PHYKPL: variants seen among roughly 807,000 people sequenced by gnomAD.
The protein encoded by PHYKPL is 5-phosphonooxy-L-lysine phospho-lyase.
Under a neutral mutation model 51.3 loss-of-function variants are expected in PHYKPL, and 42 were observed. That is an observed-to-expected ratio of 0.82 (90% CI 0.64 to 1.06). PHYKPL has a LOEUF of 1.06. Ranked by LOEUF, PHYKPL falls within the 50% of genes least tolerant of loss-of-function variation. The probability of loss-of-function intolerance (pLI) is 0.00; values close to 1 mark genes in which losing one functional copy is unlikely to be tolerated. For synonymous variants in PHYKPL, 264 were observed against 236.0 expected (o/e 1.12, Z -1.09); for missense variants, 655 against 586.6 (o/e 1.12, Z -1.20).
At chr5:178,225,133 C>CAA (rs1762034804) in intron 4 of PHYKPL, 3 of 595,026 alleles carry the variant, frequency 5.0e-6, no homozygotes, top group Non-Finnish European at 6.0e-6. Flanking sequence ...GAGTCTCTTA[C>CAA]AAAGCGCACT....
intron 8 of PHYKPL, among the ~76,000 whole-genome samples, chr5:178,221,142 CACAG>C (rs1216649305): frequency 6.6e-6 from 1 of 152,206 alleles, no homozygotes; most frequent in Admixed American, 6.5e-5. Flanking sequence ...GAGGGCTATG[CACAG>C]ACAGATGTTG....
intron 12 of PHYKPL, chr5:178,210,987 AATTTTAT>A (rs1758156197): frequency 8.2e-6 from 2 of 245,378 alleles, no homozygotes; most frequent in Non-Finnish European, 1.6e-5. Flanking sequence ...TTCACCTTTT[AATTTTAT>A]ATTATTTGCG....
intron 8 of PHYKPL, among the ~76,000 whole-genome samples, chr5:178,217,945 C>T (rs1203695772): frequency 6.6e-6 from 1 of 150,732 alleles, no homozygotes; most frequent in African/African-American, 2.4e-5. Flanking sequence ...TGTCTGGGCG[C>T]GGTGGCTCAC....
At chr5:178,231,714 G>A (rs780110970) in intron 1 of PHYKPL, 191 bp from the exon 2 acceptor site, 77 of 1,544,636 alleles carry the variant, frequency 5.0e-5, no homozygotes, top group Non-Finnish European at 6.0e-5. Flanking sequence ...GAAGCAGATG[G>A]GGTAACAAGT....
intron 8 of PHYKPL, chr5:178,216,257 C>T (rs1456610405): frequency 6.6e-6 from 1 of 152,164 alleles, no homozygotes; most frequent in Non-Finnish European, 1.5e-5. Context: ...GAAGGCCATT[C>T]ATATGCATAG....
At chr5:178,223,171 T>C (rs993569387) in intron 6 of PHYKPL, 19 of 508,722 alleles carry the variant, frequency 3.7e-5, no homozygotes, top group East Asian at 1.1e-4. Flanking sequence ...CCAAACTACA[T>C]GCACTGATTT....
intron 3 of PHYKPL, among the ~76,000 whole-genome samples, chr5:178,227,196 C>T (rs55653973): frequency 0.022 from 3,406 of 152,094 alleles, 113 homozygotes; most frequent in African/African-American, 0.078. Context: ...CTCATCCAAT[C>T]TCACCAGTGT....
At chr5:178,232,403 G>A (rs1160703604) in intron 1 of PHYKPL, 89 bp downstream of exon 1, 4 of 1,338,122 alleles carry the variant, frequency 3.0e-6, no homozygotes, top group Non-Finnish European at 3.8e-6. Context: ...CCGGAGGCGC[G>A]TGCGTAGTGC....
At position 178,232,610 on chromosome 5, in the gene PHYKPL, G is replaced by T. The variant is rs1763763698; in HGVS notation, c.-60C>A. ...GCGGAGACGTCGCCGCGCGGGCTGG[G>T]CCTCCAAGGCCCCGCTCCGGGCCCC... On this transcript the variant is annotated 5_prime_UTR_variant, in exon 1 of 13. Coordinates refer to ENST00000308158, the MANE Select transcript of PHYKPL (RefSeq NM_153373.4). The T allele has an allele frequency of 2.4e-6, 3 of 1,246,678 alleles. No individual in the cohort carries two copies. The highest frequency in any genetic ancestry group is 3.0e-6 in the Non-Finnish European group (3 of 996,446). 77.2% of individuals were successfully genotyped at this position (1,246,678 alleles called of 1,614,324 possible).
At chr5:178,212,895 G>C (rs1758906090) in intron 11 of PHYKPL, 78 bp downstream of exon 11, 1 of 1,573,434 alleles carries the variant, frequency 6.4e-7, no homozygotes, top group Non-Finnish European at 8.6e-7. Flanking sequence ...TCCCCTCCCT[G>C]TTCCATGCTA....
Position 178,224,580 on chromosome 5 carries a change from G to A in PHYKPL, c.502-16C>T. The A allele has an allele frequency of 1.2e-6, 2 of 1,614,140 alleles. No homozygotes were observed. Among genetic ancestry groups the A allele is most frequent in the East Asian group, 2.2e-5 (1 of 44,888 alleles). ...GGAGAGGTGCCTGTGGGGAGTGACA[G>A]CGCCATGTTATCCGGGCTTGGGGAC... On this transcript the variant is annotated splice_polypyrimidine_tract_variant and intron_variant, in intron 5 of 12. Transcript: ENST00000308158.
intron 8 of PHYKPL, among the ~76,000 whole-genome samples, chr5:178,221,997 C>T (rs1391555498): frequency 1.3e-5 from 2 of 152,214 alleles, no homozygotes; most frequent in African/African-American, 4.8e-5. Flanking sequence ...GCTCTGAGAT[C>T]ATGTGTTACC....
chr5:178,212,246 A>G (rs1361675413), intron 11 of PHYKPL, among the ~76,000 whole-genome samples: 3 of 152,062 alleles, frequency 2.0e-5, no homozygotes, highest in Non-Finnish European at 4.4e-5. Flanking sequence ...TCATATCCCT[A>G]CCACTTCCAA....
chr5:178,211,996 G>T, intron 11 of PHYKPL, 26 bp from the exon 12 acceptor site: 1 of 1,613,698 alleles, frequency 6.2e-7, no homozygotes, highest in Non-Finnish European at 8.5e-7. Flanking sequence ...AAGCAATGCC[G>T]ACTCAGTCAC....
At chr5:178,221,777 T>C (rs1761218457) in intron 8 of PHYKPL, among the ~76,000 whole-genome samples, 1 of 152,178 alleles carries the variant, frequency 6.6e-6, no homozygotes, top group South Asian at 2.1e-4. Flanking sequence ...CAAAGAGTAC[T>C]CTCTCCAGGA....
At chr5:178,226,044 G>A (rs114260719) in intron 3 of PHYKPL, 1,789 of 151,838 alleles carry the variant, frequency 0.012, 36 homozygotes, top group African/African-American at 0.041. Flanking sequence ...GGAATTACAG[G>A]CATGAGCCAC....
intron 12 of PHYKPL, chr5:178,210,121 T>TG (rs763281977): frequency 7.8e-5 from 126 of 1,613,522 alleles, no homozygotes; most frequent in Non-Finnish European, 1.1e-4. Flanking sequence ...TGTGCCCTGC[T>TG]CCCCCCACAG....
intron 3 of PHYKPL, 26 bp downstream of exon 3, chr5:178,229,914 C>T: frequency 1.2e-6 from 2 of 1,609,174 alleles, no homozygotes; most frequent in Non-Finnish European, 1.7e-6. Flanking sequence ...CACCCTCTTC[C>T]CGGGGGCTGG....
intron 12 of PHYKPL, 91 bp downstream of exon 12, chr5:178,211,799 T>TAA (rs1216182056): frequency 7.9e-6 from 7 of 887,148 alleles, no homozygotes; most frequent in Non-Finnish European, 1.2e-5. Flanking sequence ...AAAAAAGTCT[T>TAA]AAAAAAAGGC....
Sources: gnomAD v4.1 joint callset for allele counts (sites outside exome capture counted in the v4.1 genomes callset) on GRCh38, gnomAD v4.1.1 for gene constraint, MANE v1.5 for transcripts, NCBI Gene and HGNC (gene_info 2026-07-23, HGNC 2026-07-21) for gene names.